MOB3B: variants seen among roughly 807,000 people sequenced by gnomAD.
The protein encoded by MOB3B is MOB kinase activator-like 2B.
A neutral mutation model predicts 18.7 loss-of-function variants in MOB3B; 7 were observed. The observed-to-expected ratio is 0.37, with a 90% CI of 0.21 to 0.70. The LOEUF (loss-of-function observed/expected upper bound fraction) is 0.70. Ranked by LOEUF, MOB3B falls within the 30% of genes least tolerant of loss-of-function variation. MOB3B has a pLI of 0.52. For synonymous variants in MOB3B, 111 were observed against 99.9 expected, an observed-to-expected ratio of 1.11 and a Z score of -0.66; for missense variants, 253 against 281.3, an observed-to-expected ratio of 0.90 and a Z score of 0.72.
intron 2 of MOB3B, among the ~76,000 whole-genome samples, chr9:27,449,623 T>C (rs141857734): frequency 3.3e-5 from 5 of 152,318 alleles, no homozygotes; most frequent in Non-Finnish European, 7.3e-5. Context: ...CATTCTGTCT[T>C]GCTAGCGTTA....
intron 2 of MOB3B, among the ~76,000 whole-genome samples, chr9:27,443,956 T>C (rs1187997435): frequency 6.6e-6 from 1 of 152,072 alleles, no homozygotes; most frequent in African/African-American, 2.4e-5. Context: ...CTTGCACCTA[T>C]GCAGATATCA....
intron 2 of MOB3B, among the ~76,000 whole-genome samples, chr9:27,404,192 AT>A (rs1821930562): frequency 6.6e-6 from 1 of 150,938 alleles, no homozygotes; most frequent in African/African-American, 2.4e-5. Flanking sequence ...AACATGTGCT[AT>A]TTATCTTTCT....
chr9:27,347,617 G>C (rs1252525288), intron 3 of MOB3B, among the ~76,000 whole-genome samples: 1 of 152,172 alleles, frequency 6.6e-6, no homozygotes, highest in Non-Finnish European at 1.5e-5. Flanking sequence ...ATGGATTCTG[G>C]GAGAAGGTAT....
At chr9:27,338,735 A>T (rs983511832) in intron 3 of MOB3B, among the ~76,000 whole-genome samples, 8 of 152,188 alleles carry the variant, frequency 5.3e-5, no homozygotes, top group Non-Finnish European at 1.0e-4. Context: ...ACAGCTGTCC[A>T]AACGAGGCTG....
At chr9:27,424,711 C>T (rs879867711) in intron 2 of MOB3B, among the ~76,000 whole-genome samples, 1 of 152,146 alleles carries the variant, frequency 6.6e-6, no homozygotes, top group Non-Finnish European at 1.5e-5. Context: ...GCAATTTGTA[C>T]TGGCCACCGA....
intron 1 of MOB3B, among the ~76,000 whole-genome samples, chr9:27,529,102 C>A (rs1820489182): frequency 6.6e-6 from 1 of 152,198 alleles, no homozygotes; most frequent in African/African-American, 2.4e-5. Flanking sequence ...CCCTCAGGAT[C>A]AGGACGCCCA....
At chr9:27,456,793 C>T (rs977419921) in intron 1 of MOB3B, among the ~76,000 whole-genome samples, 1 of 152,190 alleles carries the variant, frequency 6.6e-6, no homozygotes, top group Non-Finnish European at 1.5e-5. Flanking sequence ...ACACTAGCCA[C>T]ATGTGGCTAT....
chr9:27,498,879 A>T (rs1490673482), intron 1 of MOB3B, among the ~76,000 whole-genome samples: 1 of 152,236 alleles, frequency 6.6e-6, no homozygotes, highest in African/African-American at 2.4e-5. Context: ...TTAAAAGAAA[A>T]ATCAACACTT....
chr9:27,462,955 A>C (rs1819316935), intron 1 of MOB3B, among the ~76,000 whole-genome samples: 1 of 152,216 alleles, frequency 6.6e-6, no homozygotes, highest in African/African-American at 2.4e-5. Context: ...TAAAATTAAC[A>C]CCAAGAGCAG....
intron 1 of MOB3B, among the ~76,000 whole-genome samples, chr9:27,505,094 TC>T (rs530469701): frequency 4.8e-4 from 73 of 152,352 alleles, no homozygotes; most frequent in African/African-American, 1.6e-3. Flanking sequence ...ACACAAAATT[TC>T]TTTTGGCATG....
At chr9:27,372,771 T>C (rs1180183973) in intron 2 of MOB3B, among the ~76,000 whole-genome samples, 1 of 152,192 alleles carries the variant, frequency 6.6e-6, no homozygotes, top group Non-Finnish European at 1.5e-5. Flanking sequence ...CCTAAGGAGA[T>C]GTGCTGACTA....
At chr9:27,522,891 T>C (rs772312675) in intron 1 of MOB3B, among the ~76,000 whole-genome samples, 2 of 151,596 alleles carry the variant, frequency 1.3e-5, no homozygotes, top group Non-Finnish European at 2.9e-5. Context: ...TAAGAATTTA[T>C]GTAGATGGAA....
At position 27,385,455 on chromosome 9, in the gene MOB3B, C is replaced by A. The variant is rs1172155677; in HGVS notation, c.419-26219G>T. On this transcript the variant is annotated intron_variant, in intron 2 of 3. Transcript: ENST00000262244. Reference sequence around the variant, plus strand: ...AGGTTTTACAAAGGTGCCTAAGGGGCCTTGGTGAGGTGTCAGGGTGGTGAG... The same window carrying A: ...AGGTTTTACAAAGGTGCCTAAGGGGACTTGGTGAGGTGTCAGGGTGGTGAG... Among the ~76,000 whole-genome samples, 3 of 152,110 alleles carry A rather than the reference C, an allele frequency of 2.0e-5. No homozygotes were observed. The East Asian group carries it at 5.8e-4, about 29-fold the overall frequency.
At chr9:27,334,877 G>T in intron 3 of MOB3B, among the ~76,000 whole-genome samples, 1 of 151,848 alleles carries the variant, frequency 6.6e-6, no homozygotes, top group Non-Finnish European at 1.5e-5. Flanking sequence ...AGGCTGGAGC[G>T]CAGTGGCGCG....
intron 1 of MOB3B, among the ~76,000 whole-genome samples, chr9:27,491,219 T>C (rs191717009): frequency 9.3e-4 from 141 of 152,326 alleles, no homozygotes; most frequent in African/African-American, 3.2e-3. Flanking sequence ...CTATCACTGT[T>C]GTCAAAATAT....
chr9:27,488,923 T>A (rs1309678500), intron 1 of MOB3B, among the ~76,000 whole-genome samples: 1 of 152,244 alleles, frequency 6.6e-6, no homozygotes, highest in Non-Finnish European at 1.5e-5. Flanking sequence ...TACCATTACA[T>A]GCCAGGGGCT....
At chr9:27,330,955 C>T (rs1265066148) in intron 3 of MOB3B, among the ~76,000 whole-genome samples, 3 of 152,118 alleles carry the variant, frequency 2.0e-5, no homozygotes, top group Non-Finnish European at 4.4e-5. Flanking sequence ...CCAGTTTGCC[C>T]CAGTCCTTGC....
chr9:27,464,428 G>C (rs562899680), intron 1 of MOB3B, among the ~76,000 whole-genome samples: 2 of 152,042 alleles, frequency 1.3e-5, no homozygotes, highest in African/African-American at 4.8e-5. Context: ...GTATTTTTTT[G>C]CATATAATAA....
intron 1 of MOB3B, among the ~76,000 whole-genome samples, chr9:27,519,366 C>T (rs1005983138): frequency 6.6e-6 from 1 of 152,154 alleles, no homozygotes; most frequent in Non-Finnish European, 1.5e-5. Flanking sequence ...AATATCATCT[C>T]CAAATGATAT....
Sources: allele counts gnomAD v4.1 joint callset (sites outside exome capture counted in the v4.1 genomes callset), GRCh38; gene constraint gnomAD v4.1.1; transcripts MANE v1.5; gene names NCBI Gene and HGNC (gene_info 2026-07-23, HGNC 2026-07-21).